Variants in MRPL52 observed in about 807,000 individuals in gnomAD.
The protein encoded by MRPL52 is large ribosomal subunit protein mL52.
A neutral mutation model predicts 22.1 loss-of-function variants in MRPL52; 19 were observed. That is an observed-to-expected ratio of 0.86 (90% CI 0.60 to 1.26). The LOEUF is 1.26. Among genes scored for constraint, MRPL52 ranks in the 50% most tolerant of loss-of-function variants. The pLI is 0.00. For synonymous variants in MRPL52, 50 were observed against 57.5 expected, an observed-to-expected ratio of 0.87 and a Z score of 0.59; for missense variants, 152 against 148.1, an observed-to-expected ratio of 1.03 and a Z score of -0.14.
chr14:22,830,132 C>T (rs767705480), intron 2 of MRPL52, 22 bp downstream of exon 2: 7 of 1,614,102 alleles, frequency 4.3e-6, no homozygotes, highest in Admixed American at 1.7e-5. Flanking sequence ...GATGAGGGCA[C>T]CTGGGGGACC....
At chr14:22,834,089 C>T (rs924843886) in intron 4 of MRPL52, 83 bp from the exon 5 acceptor site, 6 of 1,467,130 alleles carry the variant, frequency 4.1e-6, no homozygotes, top group Non-Finnish European at 5.5e-6. Context: ...CCAGATGAAA[C>T]CTCTGAATTT....
At chr14:22,830,734 G>A in intron 3 of MRPL52, 1 of 461,892 alleles carries the variant, frequency 2.2e-6, no homozygotes, top group Non-Finnish European at 3.8e-6. Context: ...AAAAGAGAGA[G>A]GGAGGGAGAA....
At chr14:22,834,147 C>A (rs1213129845) in intron 4 of MRPL52, 25 bp from the exon 5 acceptor site, 2 of 1,611,816 alleles carry the variant, frequency 1.2e-6, no homozygotes, top group Admixed American at 3.4e-5. Context: ...AGATGTTATC[C>A]ACACTGTTTT....
At position 22,834,205 on chromosome 14, in the gene MRPL52, G is replaced by A. The variant is rs376054862; in HGVS notation, c.253G>A (p.Ala85Thr). ...TGTACTGCTGTCACAGGAAATGGAC[G>A]CTGGATTACAAGCATGGCAGCTCAG... ...RVVLLSQEMD[A>T]GLQAWQLRQQ... The change falls in exon 5 of 5, where the codon GCT (alanine) becomes ACT (threonine). Residue 85 changes from alanine to threonine, a missense_variant. Physicochemically the swap from Ala to Thr is moderately conservative, Grantham distance 58. Transcript: ENST00000397496. 2.8e-5 allele frequency: 45 copies of A among 1,614,154 alleles called. No individual in the cohort carries two copies. In the South Asian group the frequency reaches 3.8e-4, roughly 14 times the overall value.
chr14:22,833,766 C>T (rs150899709), intron 4 of MRPL52, among the ~76,000 whole-genome samples: 3 of 152,292 alleles, frequency 2.0e-5, no homozygotes, highest in African/African-American at 7.2e-5. Context: ...GGATTACACA[C>T]GTGTGCCACC....
intron 4 of MRPL52, 151 bp downstream of exon 4, chr14:22,833,633 G>T (rs956853739): frequency 9.7e-6 from 6 of 621,100 alleles, no homozygotes; most frequent in African/African-American, 1.9e-5. Flanking sequence ...TTTTGTTTTT[G>T]TTTTTTGTGA....
intron 3 of MRPL52, chr14:22,830,661 G>T (rs898826223): frequency 2.5e-6 from 1 of 393,052 alleles, no homozygotes; most frequent in Non-Finnish European, 4.6e-6. Context: ...GTCTCAGAGG[G>T]GTAGAAGGAT....
chr14:22,833,369 G>C, intron 3 of MRPL52, 49 bp from the exon 4 acceptor site: 3 of 1,184,362 alleles, frequency 2.5e-6, no homozygotes, highest in Non-Finnish European at 3.8e-6. Flanking sequence ...TGCACAAGGT[G>C]ATGCAGTCCA....
intron 3 of MRPL52, chr14:22,831,106 C>CTTTTT (rs36143447): frequency 0.1 from 17,144 of 165,504 alleles, 2,640 homozygotes; most frequent in East Asian, 0.12. Flanking sequence ...CATATGACTG[C>CTTTTT]TTTTTTTTTT....
At chr14:22,833,298 G>T in intron 3 of MRPL52, 120 bp from the exon 4 acceptor site, 1 of 695,046 alleles carries the variant, frequency 1.4e-6, no homozygotes, top group Non-Finnish European at 2.6e-6. Context: ...AAGCTACAAT[G>T]TATATGAAAT....
At chr14:22,830,945 C>T (rs2039594966) in intron 3 of MRPL52, 2 of 1,489,072 alleles carry the variant, frequency 1.3e-6, no homozygotes, top group African/African-American at 1.4e-5. Flanking sequence ...ATATTTAATA[C>T]CCTATTGTTG....
In MRPL52 at chr14:22,834,244, C is replaced by T. The variant is rs756677346; in HGVS notation, c.292C>T (p.Gln98Ter). Reference protein sequence around the residue: ...QAWQLRQQKLQEEQRKQENAL... With the variant: ...QAWQLRQQKL ...ATGGCAGCTCAGGCAGCAGAAGTTGCAGGAAGAACAAAGGAAGCAGGAAAA... is the reference window on the plus strand; with the variant it reads ...ATGGCAGCTCAGGCAGCAGAAGTTGTAGGAAGAACAAAGGAAGCAGGAAAA... The change falls in exon 5 of 5, where the codon CAG (glutamine) becomes TAG (stop). Residue 98 changes from glutamine (Q) to a stop codon, truncating the protein, a stop_gained. Transcript: ENST00000397496. LOFTEE classifies it high-confidence loss of function. 1 of 1,614,150 alleles carries T rather than the reference C, an allele frequency of 6.2e-7. No homozygotes were observed. Among genetic ancestry groups the T allele is most frequent in the Non-Finnish European group, 8.5e-7 (1 of 1,180,040 alleles).
chr14:22,832,078 TAAAA>T (rs796659039), intron 3 of MRPL52: 1 of 152,120 alleles, frequency 6.6e-6, no homozygotes, highest in Non-Finnish European at 1.5e-5. Context: ...AAATAACACT[TAAAA>T]AAATAAAACA....
chr14:22,831,512 A>T (rs1181731322), intron 3 of MRPL52: 2 of 152,722 alleles, frequency 1.3e-5, no homozygotes, highest in East Asian at 3.8e-4. Flanking sequence ...CATATCTGTA[A>T]AAGAATACCT....
Position 22,832,831 on chromosome 14 carries a change from A to G in MRPL52, c.155-587A>G, listed in dbSNP as rs551616644. On this transcript the variant is annotated intron_variant, in intron 3 of 4. Transcript: ENST00000397496. Reference sequence around the variant, plus strand: ...GAGGCGGAAGTTGCGGTGAGCTGAGATCATGCCATTGCACTCCAGCCTGGG... The same window carrying G: ...GAGGCGGAAGTTGCGGTGAGCTGAGGTCATGCCATTGCACTCCAGCCTGGG... Among the ~76,000 whole-genome samples, 14 of 152,058 alleles carry G rather than the reference A, an allele frequency of 9.2e-5. No homozygotes were observed. The East Asian group carries it at 2.5e-3, about 27-fold the overall frequency.
intron 4 of MRPL52, 32 bp from the exon 5 acceptor site, chr14:22,834,140 T>A: frequency 6.2e-7 from 1 of 1,611,094 alleles, no homozygotes; most frequent in Non-Finnish European, 8.5e-7. Context: ...AAGTCCCAGA[T>A]GTTATCCACA....
chr14:22,831,131 G>C, intron 3 of MRPL52: 1 of 215,950 alleles, frequency 4.6e-6, no homozygotes. Context: ...TTTTTTTTTT[G>C]AGATGGGGTC....
At chr14:22,831,332 G>A (rs2039614122) in intron 3 of MRPL52, 1 of 278,930 alleles carries the variant, frequency 3.6e-6, no homozygotes, top group Non-Finnish European at 6.8e-6. Context: ...TGCCCAAGCT[G>A]GTCTTGTACT....
Position 22,834,271 on chromosome 14 carries a change from G to T in MRPL52, c.319G>T (p.Ala107Ser). ...GGAAGAACAAAGGAAGCAGGAAAATGCTCTTAAACCCAAAGGGGCTTCACT... is the reference window on the plus strand; with the variant it reads ...GGAAGAACAAAGGAAGCAGGAAAATTCTCTTAAACCCAAAGGGGCTTCACT... Reference protein sequence around the residue: ...LQEEQRKQENALKPKGASLKS... With the variant: ...LQEEQRKQENSLKPKGASLKS... Residue 107 changes from alanine (A) to serine (S), a missense_variant, in exon 5 of 5, where the codon GCT becomes TCT. By Grantham distance (99) the Ala-to-Ser change is moderately conservative. Transcript: ENST00000397496. 3.1e-6 allele frequency: 5 copies of T among 1,614,136 alleles called. No individual in the cohort carries two copies. Among genetic ancestry groups the T allele is most frequent in the Non-Finnish European group, 4.2e-6 (5 of 1,180,022 alleles).
Sources: gnomAD v4.1 joint callset for allele counts (sites outside exome capture counted in the v4.1 genomes callset) on GRCh38, gnomAD v4.1.1 for gene constraint, MANE v1.5 for transcripts, NCBI Gene and HGNC (gene_info 2026-07-23, HGNC 2026-07-21) for gene names.